Variants in DCDC1 observed in about 807,000 individuals in gnomAD.
DCDC1 encodes the protein doublecortin domain-containing protein 1.
Under a neutral mutation model 178.3 loss-of-function variants are expected in DCDC1, and 200 were observed. That is an observed-to-expected ratio of 1.12 (90% CI 1.00 to 1.26). DCDC1 has a LOEUF of 1.26. Among genes scored for constraint, DCDC1 ranks in the 50% most tolerant of loss-of-function variants. The pLI is 0.00. For missense variants in DCDC1, 1,983 were observed against 1,749.2 expected, an observed-to-expected ratio of 1.13 and a Z score of -2.38; for synonymous variants, 690 against 604.8, an observed-to-expected ratio of 1.14 and a Z score of -2.07.
chr11:31,258,128 G>T (rs998775387), intron 8 of DCDC1, among the ~76,000 whole-genome samples: 5 of 152,028 alleles, frequency 3.3e-5, no homozygotes, highest in African/African-American at 1.2e-4. Flanking sequence ...AAAATAGATG[G>T]GCCTGAGATT....
At chr11:31,302,611 A>C (rs540626495) in intron 6 of DCDC1, among the ~76,000 whole-genome samples, 1 of 152,288 alleles carries the variant, frequency 6.6e-6, no homozygotes, top group Admixed American at 6.5e-5. Context: ...GAATTATTCT[A>C]ATACTGCATT....
At chr11:30,913,429 T>A (rs1345276697) in intron 27 of DCDC1, among the ~76,000 whole-genome samples, 1 of 151,814 alleles carries the variant, frequency 6.6e-6, no homozygotes. Context: ...CAAAAAAAAC[T>A]ATTTTGTTCA....
intron 9 of DCDC1, among the ~76,000 whole-genome samples, chr11:31,173,509 A>G (rs1228679666): frequency 1.3e-5 from 2 of 152,194 alleles, no homozygotes; most frequent in Non-Finnish European, 2.9e-5. Flanking sequence ...TCTGGATTGT[A>G]TAAATTAGAG....
intron 9 of DCDC1, among the ~76,000 whole-genome samples, chr11:31,138,132 C>T (rs1470057408): frequency 6.6e-6 from 1 of 151,916 alleles, no homozygotes; most frequent in East Asian, 1.9e-4. Flanking sequence ...CTATTAAATC[C>T]TTTCATTATG....
intron 7 of DCDC1, among the ~76,000 whole-genome samples, chr11:31,269,607 G>T: frequency 6.6e-6 from 1 of 151,944 alleles, no homozygotes; most frequent in Admixed American, 6.6e-5. Flanking sequence ...CTGGTCTCAA[G>T]ACCCCTGGTC....
At chr11:30,954,240 C>T (rs1424913350) in intron 20 of DCDC1, among the ~76,000 whole-genome samples, 2 of 152,026 alleles carry the variant, frequency 1.3e-5, no homozygotes, top group Non-Finnish European at 2.9e-5. Flanking sequence ...TGGTCTCGAT[C>T]TCCTGACCTC....
intron 9 of DCDC1, among the ~76,000 whole-genome samples, chr11:31,240,549 C>G (rs1386872106): frequency 6.6e-6 from 1 of 151,956 alleles, no homozygotes; most frequent in East Asian, 1.9e-4. Context: ...TCCCACCTCC[C>G]CTTCCTCTCT....
At chr11:30,903,351 C>T (rs929821800) in intron 32 of DCDC1, 131 bp downstream of exon 32, 2 of 883,670 alleles carry the variant, frequency 2.3e-6, no homozygotes, top group Admixed American at 3.7e-5. Context: ...CATTGACACT[C>T]TTCGGGTCAC....
chr11:31,137,498 C>T (rs903681925), intron 10 of DCDC1, among the ~76,000 whole-genome samples, 194 bp downstream of exon 10: 22 of 151,960 alleles, frequency 1.4e-4, no homozygotes, highest in Non-Finnish European at 1.8e-4. Context: ...TACAGGCGCC[C>T]GCCACCACGC....
intron 11 of DCDC1, among the ~76,000 whole-genome samples, chr11:31,125,788 G>T (rs190930648): frequency 3.4e-4 from 51 of 152,120 alleles, no homozygotes; most frequent in African/African-American, 1.2e-3. Context: ...GCGGTTGGGT[G>T]GGGGGTAGAG....
intron 8 of DCDC1, among the ~76,000 whole-genome samples, chr11:31,260,160 T>C (rs910016405): frequency 6.6e-6 from 1 of 152,190 alleles, no homozygotes; most frequent in African/African-American, 2.4e-5. Context: ...ATCTGGCTGA[T>C]ACTGGGAAGA....
intron 20 of DCDC1, among the ~76,000 whole-genome samples, chr11:31,037,432 C>CTT (rs398055131): frequency 1.9e-4 from 11 of 58,926 alleles, no homozygotes; most frequent in South Asian, 5.6e-4. Flanking sequence ...ATATTTCTTT[C>CTT]TTTTTTTTTT....
At chr11:30,886,303 C>A (rs953305922) in intron 36 of DCDC1, among the ~76,000 whole-genome samples, 14 of 151,946 alleles carry the variant, frequency 9.2e-5, no homozygotes, top group African/African-American at 3.4e-4. Flanking sequence ...TAAAAAAATT[C>A]ATAGAGATCA....
intron 20 of DCDC1, among the ~76,000 whole-genome samples, chr11:31,058,892 C>A (rs981760650): frequency 6.6e-6 from 1 of 151,904 alleles, no homozygotes; most frequent in African/African-American, 2.4e-5. Flanking sequence ...CTTTTTTCAT[C>A]CATATTATCC....
At chr11:30,975,522 C>T (rs1454154342) in intron 20 of DCDC1, among the ~76,000 whole-genome samples, 1 of 151,884 alleles carries the variant, frequency 6.6e-6, no homozygotes, top group Non-Finnish European at 1.5e-5. Context: ...AATAAATTTA[C>T]AGGACACAAA....
At chr11:31,157,853 T>G (rs956373872) in intron 9 of DCDC1, among the ~76,000 whole-genome samples, 1 of 152,108 alleles carries the variant, frequency 6.6e-6, no homozygotes, top group South Asian at 2.1e-4. Context: ...ATTATGGTAT[T>G]TTACTACAAT....
intron 20 of DCDC1, among the ~76,000 whole-genome samples, chr11:31,062,806 A>G (rs1956011369): frequency 6.6e-6 from 1 of 150,814 alleles, no homozygotes; most frequent in South Asian, 2.1e-4. Context: ...AAATTTTATT[A>G]TTATTATACT....
chr11:30,931,679 A>AG, intron 22 of DCDC1, 92 bp downstream of exon 22: 1 of 1,314,910 alleles, frequency 7.6e-7, no homozygotes, highest in South Asian at 1.7e-5. Flanking sequence ...AAATAAATAC[A>AG]GAATTCCCAC....
At chr11:31,131,869 T>A (rs1187982023) in intron 10 of DCDC1, among the ~76,000 whole-genome samples, 1 of 152,174 alleles carries the variant, frequency 6.6e-6, no homozygotes, top group East Asian at 1.9e-4. Flanking sequence ...AACTCAGACT[T>A]TGATTTGAGG....
Sources: gnomAD v4.1 joint callset for allele counts (sites outside exome capture counted in the v4.1 genomes callset) on GRCh38, gnomAD v4.1.1 for gene constraint, MANE v1.5 for transcripts, NCBI Gene and HGNC (gene_info 2026-07-23, HGNC 2026-07-21) for gene names.